Variants in CBLN2 observed in about 807,000 individuals in gnomAD.
CBLN2 encodes the protein cerebellin-2.
Under a neutral mutation model 15.0 loss-of-function variants are expected in CBLN2, and 7 were observed. That is an observed-to-expected ratio of 0.47 (90% CI 0.27 to 0.88). The LOEUF (loss-of-function observed/expected upper bound fraction) is 0.88, where lower values mean the gene tolerates loss of function less well. Ranked by LOEUF, CBLN2 falls within the 40% of genes least tolerant of loss-of-function variation. CBLN2 has a pLI of 0.14. For synonymous variants in CBLN2, 149 were observed against 135.2 expected, an observed-to-expected ratio of 1.10 and a Z score of -0.71; for missense variants, 242 against 304.5, an observed-to-expected ratio of 0.79 and a Z score of 1.53.
chr18:72,630,236 CA>C (rs2069765973), intron 1 of CBLN2, among the ~76,000 whole-genome samples: 1 of 152,012 alleles, frequency 6.6e-6, no homozygotes. Flanking sequence ...ACTGGGGGTA[CA>C]AAGGTGGACA....
chr18:72,567,621 AT>A lies in CBLN2; in HGVS notation c.16-28850del, dbSNP rs113878373. ...GTCAATTTCAGATTAAATATTTCAT[AT>A]TCTTATGCATTATTTCACAAAGTCT... is the stretch of plus-strand genomic sequence containing the variant. On this transcript the variant is annotated intron_variant, in intron 1 of 2. Coordinates refer to the CBLN2 transcript ENST00000581073. Among the ~76,000 whole-genome samples the A allele has an allele frequency of 9.2e-5, 14 of 152,304 alleles. 1 individual carries two copies. The South Asian group carries it at 1.2e-3, about 14-fold the overall frequency.
In CBLN2 at chr18:72,578,271, A is replaced by T. The variant is rs573405836; in HGVS notation, c.16-39499T>A. Reference sequence around the variant, plus strand: ...TTCCCATAACCCTATCAAGCCAGTGATCAATTTACTGTTTAAAACTGTCTA... The same window carrying T: ...TTCCCATAACCCTATCAAGCCAGTGTTCAATTTACTGTTTAAAACTGTCTA... On this transcript the variant is annotated intron_variant, in intron 1 of 2. Transcript: ENST00000581073. Among the ~76,000 whole-genome samples the T allele has an allele frequency of 3.3e-5, 5 of 152,352 alleles. 1 individual carries two copies. In the South Asian group the frequency reaches 6.2e-4, roughly 19 times the overall value.
chr18:72,598,778 C>A (rs1030044542), intron 1 of CBLN2, among the ~76,000 whole-genome samples: 1 of 152,246 alleles, frequency 6.6e-6, no homozygotes, highest in Admixed American at 6.5e-5. Flanking sequence ...CTAAATGCTT[C>A]TTGCATGGAC....
At chr18:72,603,595 A>G (rs992163813) in intron 1 of CBLN2, among the ~76,000 whole-genome samples, 3 of 152,186 alleles carry the variant, frequency 2.0e-5, no homozygotes, top group Non-Finnish European at 4.4e-5. Flanking sequence ...AATAATATAT[A>G]TCTTCCTTTT....
At chr18:72,548,694 C>G (rs751156505), upstream of CBLN2, among the ~76,000 whole-genome samples, 3 of 152,126 alleles carry the variant, frequency 2.0e-5, no homozygotes, top group Non-Finnish European at 2.9e-5. Flanking sequence ...GCCCGTGCAG[C>G]CTGGTCATTT....
chr18:72,603,636 G>A (rs186028727), intron 1 of CBLN2, among the ~76,000 whole-genome samples: 10 of 151,954 alleles, frequency 6.6e-5, no homozygotes, highest in African/African-American at 9.7e-5. Flanking sequence ...CCTCAAGCCC[G>A]CCTGCAACTT....
intron 1 of CBLN2, among the ~76,000 whole-genome samples, chr18:72,621,230 A>C (rs2069698703): frequency 6.6e-6 from 1 of 152,192 alleles, no homozygotes; most frequent in African/African-American, 2.4e-5. Context: ...ATTTGAATCT[A>C]ATATCTTCTA....
At chr18:72,621,160 C>T (rs964095969) in intron 1 of CBLN2, among the ~76,000 whole-genome samples, 10 of 152,094 alleles carry the variant, frequency 6.6e-5, no homozygotes, top group Non-Finnish European at 8.8e-5. Flanking sequence ...AGCACTGTAG[C>T]GTTATGATTC....
chr18:72,549,431 A>G (rs751282778), intron 1 of CBLN2, among the ~76,000 whole-genome samples: 54 of 152,326 alleles, frequency 3.5e-4, no homozygotes, highest in Non-Finnish European at 5.3e-4. Context: ...AAATATTCTG[A>G]AGGTTTACTG....
intron 1 of CBLN2, among the ~76,000 whole-genome samples, chr18:72,594,865 G>A (rs1047405556): frequency 6.6e-5 from 10 of 152,018 alleles, no homozygotes; most frequent in Admixed American, 5.2e-4. Context: ...TGTGGTATCA[G>A]TTGTAATGTC....
intron 1 of CBLN2, among the ~76,000 whole-genome samples, chr18:72,566,170 G>C (rs1162482128): frequency 2.0e-5 from 3 of 152,144 alleles, no homozygotes; most frequent in African/African-American, 4.8e-5. Context: ...AAGATCACAG[G>C]TGTTGGCCAG....
In CBLN2 at chr18:72,621,629, T is replaced by C. The variant is rs183552767; in HGVS notation, c.15+16696A>G. ...ACTTTTTAGCCTTCTAAGTAAGAAA[T>C]TAACCACAGCCATTTTAAGTCTTTG... On this transcript the variant is annotated intron_variant, in intron 1 of 2. Coordinates refer to the CBLN2 transcript ENST00000581073. 2.3e-3 allele frequency among the ~76,000 whole-genome samples: 345 copies of C among 152,322 alleles called. 2 individuals are homozygous for C. The highest frequency in any genetic ancestry group is 7.9e-3 in the African/African-American group (329 of 41,578).
At position 72,616,752 on chromosome 18, in the gene CBLN2, A is replaced by G. The variant is rs1238550478; in HGVS notation, c.15+21573T>C. Among the ~76,000 whole-genome samples the G allele has an allele frequency of 2.6e-5, 4 of 152,152 alleles. No individual in the cohort carries two copies. The South Asian group carries it at 6.2e-4, about 24-fold the overall frequency. ...TCTATTTCATCTATCTTGAGCTCCA[A>G]TCAATTAAAAATTCATACCTTCTAT... On this transcript the variant is annotated intron_variant, in intron 1 of 2. Transcript: ENST00000581073.
At chr18:72,594,216 G>A (rs190516685) in intron 1 of CBLN2, among the ~76,000 whole-genome samples, 9 of 152,202 alleles carry the variant, frequency 5.9e-5, no homozygotes, top group Admixed American at 5.9e-4. Context: ...AACCACCATA[G>A]CATGTGTATA....
chr18:72,600,836 T>C (rs888115647), intron 1 of CBLN2, among the ~76,000 whole-genome samples: 6 of 152,072 alleles, frequency 3.9e-5, no homozygotes, highest in Admixed American at 1.3e-4. Flanking sequence ...AATGAAATCA[T>C]AGGGGTGTGG....
At chr18:72,628,126 A>G (rs915455060) in intron 1 of CBLN2, among the ~76,000 whole-genome samples, 3 of 152,176 alleles carry the variant, frequency 2.0e-5, no homozygotes, top group East Asian at 1.9e-4. Context: ...GTCTCATCAC[A>G]TTGGTCCTGC....
intron 1 of CBLN2, among the ~76,000 whole-genome samples, chr18:72,607,392 T>C (rs2069590151): frequency 6.6e-6 from 1 of 152,196 alleles, no homozygotes; most frequent in Non-Finnish European, 1.5e-5. Context: ...TGTGTTCATT[T>C]CTCACTCAGG....
chr18:72,542,197 C>G lies in CBLN2; in HGVS notation c.-37G>C. Reference sequence around the variant, plus strand: ...GGAGGCGGCGCGCGGGGGTGGAGGCCGGCGCCGGCGCGAGCGGCGCGGAAG... The same window carrying G: ...GGAGGCGGCGCGCGGGGGTGGAGGCGGGCGCCGGCGCGAGCGGCGCGGAAG... On this transcript the variant is annotated 5_prime_UTR_variant, in exon 3 of 5. Transcript: ENST00000269503. The G allele has an allele frequency of 5.1e-6, 6 of 1,179,904 alleles. No individual in the cohort carries two copies. Among genetic ancestry groups the G allele is most frequent in the Middle Eastern group, 3.4e-4 (1 of 2,946 alleles). The allele number at this position is 1,179,904 out of a possible 1,614,324, so 73.1% of individuals were successfully genotyped here. A position where few individuals can be genotyped will look rare whatever the true frequency, so the allele number is the denominator to read the frequency against.
At chr18:72,562,969 G>A (rs1183682884) in intron 1 of CBLN2, among the ~76,000 whole-genome samples, 1 of 152,190 alleles carries the variant, frequency 6.6e-6, no homozygotes, top group Non-Finnish European at 1.5e-5. Context: ...TTTAGCGAGA[G>A]GTGCTCAAAT....
Sources: gnomAD v4.1 joint callset for allele counts (sites outside exome capture counted in the v4.1 genomes callset) on GRCh38, gnomAD v4.1.1 for gene constraint, MANE v1.5 for transcripts, NCBI Gene and HGNC (gene_info 2026-07-23, HGNC 2026-07-21) for gene names.